The following DNAJC8 variants were observed in gnomAD, a reference collection of about 807,000 sequenced individuals.
The protein encoded by DNAJC8 is DnaJ heat shock protein family (Hsp40) member C8.
Under a neutral mutation model 43.2 loss-of-function variants are expected in DNAJC8, and 24 were observed. The ratio of observed to expected loss-of-function variants is 0.56; its 90% confidence interval spans 0.40 to 0.78. The LOEUF (loss-of-function observed/expected upper bound fraction) is 0.78, where lower values mean the gene tolerates loss of function less well. Ranked by LOEUF, DNAJC8 falls within the 30% of genes least tolerant of loss-of-function variation. DNAJC8 has a pLI of 0.00. For missense variants in DNAJC8, 207 were observed against 299.4 expected (o/e 0.69, Z 2.28); for synonymous variants, 83 against 98.0 (o/e 0.85, Z 0.90).
At chr1:28,215,348 GA>G (rs773515927) in intron 2 of DNAJC8, among the ~76,000 whole-genome samples, 1 of 151,848 alleles carries the variant, frequency 6.6e-6, no homozygotes, top group Non-Finnish European at 1.5e-5. Context: ...CAAATGTCGA[GA>G]AACCGTAATA....
chr1:28,229,875 T>A (rs142474959), intron 1 of DNAJC8, among the ~76,000 whole-genome samples: 1 of 151,948 alleles, frequency 6.6e-6, no homozygotes, highest in African/African-American at 2.4e-5. Flanking sequence ...CAGTAAGACA[T>A]AAACTATGAG....
chr1:28,232,589 A>G (rs7516655), intron 1 of DNAJC8, among the ~76,000 whole-genome samples: 9,365 of 152,292 alleles, frequency 0.061, 318 homozygotes, highest in Middle Eastern at 0.092. Flanking sequence ...TCGGGGGCCA[A>G]GAAGGCTAAG....
At chr1:28,222,275 C>G (rs1265428699) in intron 2 of DNAJC8, among the ~76,000 whole-genome samples, 1 of 152,092 alleles carries the variant, frequency 6.6e-6, no homozygotes, top group East Asian at 1.9e-4. Context: ...CACCTGAGGT[C>G]AGGCGTTCGA....
At chr1:28,221,149 C>T (rs1195878285) in intron 2 of DNAJC8, among the ~76,000 whole-genome samples, 1 of 151,770 alleles carries the variant, frequency 6.6e-6, no homozygotes, top group African/African-American at 2.4e-5. Context: ...ACCATCCTGG[C>T]TAACATAGTG....
intron 2 of DNAJC8, among the ~76,000 whole-genome samples, chr1:28,220,191 G>A (rs1244450630): frequency 6.6e-6 from 1 of 152,196 alleles, no homozygotes; most frequent in Non-Finnish European, 1.5e-5. Flanking sequence ...ATTTTTCCAA[G>A]AGTTATATCA....
At chr1:28,212,455 C>G (rs1045500608) in intron 3 of DNAJC8, among the ~76,000 whole-genome samples, 9 of 150,068 alleles carry the variant, frequency 6.0e-5, no homozygotes, top group Middle Eastern at 3.4e-3. Flanking sequence ...TGTTGTTTTT[C>G]GTTTTTTGTA....
intron 2 of DNAJC8, among the ~76,000 whole-genome samples, chr1:28,222,194 A>G (rs539700): frequency 6.6e-6 from 1 of 151,870 alleles, no homozygotes; most frequent in Non-Finnish European, 1.5e-5. Flanking sequence ...GTATTTAAAA[A>G]CAATGAACTG....
intron 6 of DNAJC8, 105 bp from the exon 7 acceptor site, chr1:28,205,454 G>A: frequency 2.5e-6 from 2 of 790,298 alleles, no homozygotes; most frequent in Non-Finnish European, 4.1e-6. Context: ...ATTAAAACCT[G>A]GCACAGGCTG....
chr1:28,230,841 A>G (rs1646968764), intron 1 of DNAJC8, among the ~76,000 whole-genome samples: 3 of 152,166 alleles, frequency 2.0e-5, no homozygotes, highest in Admixed American at 6.6e-5. Context: ...TGGAGAAACT[A>G]CTATGTAACA....
chr1:28,214,384 A>C (rs1646836756), intron 3 of DNAJC8, among the ~76,000 whole-genome samples: 1 of 152,076 alleles, frequency 6.6e-6, no homozygotes, highest in Non-Finnish European at 1.5e-5. Context: ...AAATACAAAA[A>C]TTAGCCGGGT....
At chr1:28,204,181 A>G (rs1051045114) in intron 7 of DNAJC8, among the ~76,000 whole-genome samples, 2 of 152,242 alleles carry the variant, frequency 1.3e-5, no homozygotes, top group African/African-American at 4.8e-5. Flanking sequence ...AAAGTTCTTA[A>G]GATCTCTGGA....
chr1:28,220,567 A>G (rs1476290489), intron 2 of DNAJC8, among the ~76,000 whole-genome samples: 2 of 152,224 alleles, frequency 1.3e-5, no homozygotes, highest in South Asian at 2.1e-4. Context: ...TAACAAGTCT[A>G]TTCTTGAGAT....
chr1:28,232,865 G>C (rs899483905), intron 1 of DNAJC8, 56 bp downstream of exon 1: 48 of 1,587,848 alleles, frequency 3.0e-5, no homozygotes, highest in Non-Finnish European at 3.6e-5. Context: ...TGTCCACTGG[G>C]AAAGCAGATC....
intron 2 of DNAJC8, among the ~76,000 whole-genome samples, chr1:28,216,205 A>G (rs1444244421): frequency 3.3e-5 from 5 of 152,254 alleles, no homozygotes; most frequent in African/African-American, 1.2e-4. Context: ...AATATTAGCC[A>G]GGCGTAGTGG....
intron 8 of DNAJC8, among the ~76,000 whole-genome samples, chr1:28,202,654 C>T (rs1381236254): frequency 9.0e-5 from 13 of 144,662 alleles, no homozygotes; most frequent in African/African-American, 3.4e-4. Context: ...AATCTTGGCT[C>T]ACTGCAAGCT....
At chr1:28,213,593 G>A (rs1646829975) in intron 3 of DNAJC8, among the ~76,000 whole-genome samples, 1 of 152,090 alleles carries the variant, frequency 6.6e-6, no homozygotes, top group South Asian at 2.1e-4. Context: ...ATTCAGCTCT[G>A]GTCAGACCCT....
At position 28,231,887 on chromosome 1, in the gene DNAJC8, C is replaced by T. The variant is rs182259581; in HGVS notation, c.78+1034G>A. Among the ~76,000 whole-genome samples the T allele has an allele frequency of 4.5e-3, 687 of 151,792 alleles. 2 individuals carry two copies. The highest frequency in any genetic ancestry group is 5.8e-3 in the Admixed American group (89 of 15,248). ...GGTTCACGCCATTCTCCTGCCTCAG[C>T]CTCCCGAGTGGCTGGGACTACAGGC... On this transcript the variant is annotated intron_variant, in intron 1 of 8. Transcript: ENST00000263697.
In DNAJC8 at chr1:28,214,960, T is replaced by C; in HGVS notation, c.217A>G (p.Ile73Val). The change falls in exon 3 of 9, where the codon ATA (isoleucine) becomes GTA (valine). Residue 73 changes from isoleucine to valine, a missense_variant. Physicochemically the swap from Ile to Val is conservative, Grantham distance 29. This residue lies in a region of DNAJC8 where 159 missense variants were observed against 267.5 expected (regional missense o/e 0.59). Coordinates refer to ENST00000263697, the MANE Select transcript of DNAJC8 (RefSeq NM_014280.3). ...QIDPEVTDEE[I>V]KKRFRQLSIL... Reference sequence around the variant, plus strand: ...TGTACCTGCCGAAACCTCTTTTTTATTTCTTCATCTGTAACTTCAGGATCT... The same window carrying C: ...TGTACCTGCCGAAACCTCTTTTTTACTTCTTCATCTGTAACTTCAGGATCT... 6.2e-7 allele frequency: 1 copy of C among 1,609,370 alleles called. No homozygotes were observed. Among genetic ancestry groups the C allele is most frequent in the South Asian group, 1.1e-5 (1 of 90,364 alleles).
chr1:28,208,147 A>G (rs940771907), intron 6 of DNAJC8, among the ~76,000 whole-genome samples, 195 bp downstream of exon 6: 1 of 152,218 alleles, frequency 6.6e-6, no homozygotes, highest in Non-Finnish European at 1.5e-5. Context: ...CAGAGGTTGC[A>G]GTGAGCCGAG....
Sources: gnomAD v4.1 joint callset for allele counts (sites outside exome capture counted in the v4.1 genomes callset) on GRCh38, gnomAD v4.1.1 for gene constraint, gnomAD v4.1.1 regional missense constraint, MANE v1.5 for transcripts, NCBI Gene and HGNC (gene_info 2026-07-23, HGNC 2026-07-21) for gene names.